Variants in NR3C1 observed in about 807,000 individuals in gnomAD.
The protein encoded by NR3C1 is nuclear receptor subfamily 3 group C member 1.
A neutral mutation model predicts 74.0 loss-of-function variants in NR3C1; 14 were observed. The ratio of observed to expected loss-of-function variants is 0.19; its 90% CI spans 0.12 to 0.30. NR3C1 has a LOEUF of 0.30. Among genes scored for constraint, NR3C1 ranks in the 10% least tolerant of loss-of-function variants. The pLI is 1.00. For missense variants in NR3C1, 695 were observed against 909.8 expected, an observed-to-expected ratio of 0.76 and a Z score of 3.04; for synonymous variants, 308 against 332.5, an observed-to-expected ratio of 0.93 and a Z score of 0.80.
intron 4 of NR3C1, among the ~76,000 whole-genome samples, chr5:143,302,935 T>C (rs1454826982): frequency 6.6e-6 from 1 of 152,076 alleles, no homozygotes; most frequent in Non-Finnish European, 1.5e-5. Flanking sequence ...GTGGTAACAC[T>C]ACTTCCTTCT....
intron 7 of NR3C1, among the ~76,000 whole-genome samples, chr5:143,284,963 CAGA>C (rs1814024537): frequency 6.6e-6 from 1 of 151,628 alleles, no homozygotes; most frequent in Non-Finnish European, 1.5e-5. Context: ...ATTTATGGGT[CAGA>C]CTACTGGAAA....
rs1600644104 is a variant in NR3C1 at position 143,403,393 on chromosome 5, C to T, written c.-196G>A. ...GGAGAGCCCCTATTTAAGAAAGTCT[C>T]CCATTGCCCAGCTGACAAGCCAGCC... is the stretch of plus-strand genomic sequence containing the variant. On this transcript the variant is annotated 5_prime_UTR_variant, in exon 1 of 9. Coordinates refer to ENST00000394464, the MANE Select transcript of NR3C1 (RefSeq NM_000176.3). 8.1e-6 allele frequency: 8 copies of T among 985,500 alleles called. No individual in the cohort carries two copies. The highest frequency in any genetic ancestry group is 9.6e-6 in the Non-Finnish European group (8 of 830,014). The allele number at this position is 985,500 out of a possible 1,614,324, so 61.0% of individuals were successfully genotyped here.
intron 2 of NR3C1, among the ~76,000 whole-genome samples, chr5:143,395,628 CAAT>C (rs1422925086): frequency 1.3e-5 from 2 of 151,712 alleles, no homozygotes; most frequent in Non-Finnish European, 3.0e-5. Flanking sequence ...TACTAGTACA[CAAT>C]GAGAACCCAC....
At chr5:143,415,362 G>A (rs1407778336) in intron 1 of NR3C1, among the ~76,000 whole-genome samples, 1 of 152,056 alleles carries the variant, frequency 6.6e-6, no homozygotes, top group Non-Finnish European at 1.5e-5. Context: ...GGGGGAAGGG[G>A]AGGATGGGGA....
upstream of NR3C1, among the ~76,000 whole-genome samples, chr5:143,407,782 A>C (rs1841163211): frequency 6.6e-6 from 1 of 152,184 alleles, no homozygotes; most frequent in African/African-American, 2.4e-5. Flanking sequence ...CACTAAAATA[A>C]TCCAAGCTGT....
rs1657212850 is a variant in NR3C1 at position 143,279,732 on chromosome 5, A to G, written c.*2157T>C. The stretch of plus-strand genomic sequence containing the variant: ...GGAATTAGTGTATTATTGGCAACCT[A>G]TGAGATTCTGCACTATTTACATATT... On this transcript the variant is annotated 3_prime_UTR_variant, in exon 9 of 9. Transcript: ENST00000394464. 1 of 239,212 alleles carries G rather than the reference A, an allele frequency of 4.2e-6. No homozygotes were observed. 14.8% of individuals were successfully genotyped at this position (239,212 alleles called of 1,614,324 possible).
chr5:143,322,272 G>T (rs1336410337), intron 2 of NR3C1, among the ~76,000 whole-genome samples: 1 of 152,148 alleles, frequency 6.6e-6, no homozygotes, highest in Non-Finnish European at 1.5e-5. Flanking sequence ...TCAAACCCAG[G>T]TCTTTCTGAC....
chr5:143,286,748 TATCA>T (rs1362303978), intron 7 of NR3C1, among the ~76,000 whole-genome samples: 1 of 151,988 alleles, frequency 6.6e-6, no homozygotes, highest in Admixed American at 6.6e-5. Context: ...TGAATTAGTC[TATCA>T]ATCAACTTGA....
At chr5:143,419,821 G>T (rs969494930) in intron 1 of NR3C1, among the ~76,000 whole-genome samples, 2 of 152,070 alleles carry the variant, frequency 1.3e-5, no homozygotes, top group African/African-American at 4.8e-5. Context: ...GAGAGCAACT[G>T]GTCTGACCAA....
intron 2 of NR3C1, among the ~76,000 whole-genome samples, chr5:143,354,737 A>C (rs1830814118): frequency 6.6e-6 from 1 of 152,094 alleles, no homozygotes; most frequent in Admixed American, 6.6e-5. Flanking sequence ...AGCCTGGCCA[A>C]CATGGGGAAT....
At chr5:143,431,512 G>A (rs1013723369) in intron 1 of NR3C1, among the ~76,000 whole-genome samples, 5 of 152,100 alleles carry the variant, frequency 3.3e-5, no homozygotes, top group Admixed American at 6.5e-5. Flanking sequence ...GGGGGGTAAG[G>A]GGAGGGAGAG....
chr5:143,367,114 A>G (rs1314269490), intron 2 of NR3C1, among the ~76,000 whole-genome samples: 1 of 152,224 alleles, frequency 6.6e-6, no homozygotes, highest in Non-Finnish European at 1.5e-5. Context: ...TTGACATATG[A>G]AAATCAATTA....
intron 4 of NR3C1, among the ~76,000 whole-genome samples, chr5:143,308,450 G>A (rs1820137561): frequency 6.6e-6 from 1 of 152,126 alleles, no homozygotes; most frequent in Non-Finnish European, 1.5e-5. Context: ...GGTGACAAGA[G>A]TTAGACTCTG....
At chr5:143,390,233 G>T (rs1171354163) in intron 2 of NR3C1, among the ~76,000 whole-genome samples, 1 of 151,938 alleles carries the variant, frequency 6.6e-6, no homozygotes, top group Non-Finnish European at 1.5e-5. Flanking sequence ...AATCGCAGAG[G>T]TTTTTTTCAG....
intron 2 of NR3C1, among the ~76,000 whole-genome samples, chr5:143,366,833 A>C (rs2151839451): frequency 6.6e-6 from 1 of 152,236 alleles, no homozygotes; most frequent in Admixed American, 6.5e-5. Flanking sequence ...TCCAAAGAAG[A>C]CCCCAGATGG....
At chr5:143,417,661 C>T (rs898015739) in intron 1 of NR3C1, among the ~76,000 whole-genome samples, 2 of 152,086 alleles carry the variant, frequency 1.3e-5, no homozygotes, top group Non-Finnish European at 2.9e-5. Flanking sequence ...TGAGATAGCC[C>T]TGTAGGCACA....
intron 2 of NR3C1, among the ~76,000 whole-genome samples, chr5:143,385,571 A>T (rs10053679): frequency 0.28 from 42,781 of 151,840 alleles, 6,221 homozygotes; most frequent in Middle Eastern, 0.32. Flanking sequence ...TTCTGCCACG[A>T]ACTCTAAATC....
intron 2 of NR3C1, among the ~76,000 whole-genome samples, chr5:143,331,982 G>C (rs1219883099): frequency 1.3e-5 from 2 of 152,102 alleles, no homozygotes; most frequent in Non-Finnish European, 2.9e-5. Flanking sequence ...GGGCAGGGGA[G>C]AAAAGGAACC....
In NR3C1 at chr5:143,292,089, T is replaced by A. The variant is rs537583396; in HGVS notation, c.2023+3371A>T. Among the ~76,000 whole-genome samples the A allele has an allele frequency of 2.6e-5, 4 of 152,362 alleles. No individual in the cohort carries two copies. In the South Asian group the frequency reaches 8.3e-4, roughly 32 times the overall value. ...ATTAGACTTTTAGTGTGAGGTTTCA[T>A]GCTAATCTGGCTAGGAGCTGGGCTG... On this transcript the variant is annotated intron_variant, in intron 7 of 8. Transcript: ENST00000394464.
Sources: allele counts gnomAD v4.1 joint callset (sites outside exome capture counted in the v4.1 genomes callset), GRCh38; gene constraint gnomAD v4.1.1; transcripts MANE v1.5; gene names NCBI Gene and HGNC (gene_info 2026-07-23, HGNC 2026-07-21).